The following OLFM3 variants were observed in gnomAD, a reference collection of about 807,000 sequenced individuals.
OLFM3 encodes the protein olfactomedin 3.
OLFM3 carries 20 observed loss-of-function variants against 48.6 expected under a neutral mutation model. The observed-to-expected ratio is 0.41, with a 90% confidence interval of 0.29 to 0.60. The LOEUF (loss-of-function observed/expected upper bound fraction) is 0.60. OLFM3 is among the 20% of genes least tolerant of loss of function. OLFM3 has a pLI of 0.28. For synonymous variants in OLFM3, 222 were observed against 198.1 expected, an observed-to-expected ratio of 1.12 and a Z score of -1.01; for missense variants, 437 against 544.3, an observed-to-expected ratio of 0.80 and a Z score of 1.96.
Position 101,897,539 on chromosome 1 carries a change from A to G in OLFM3, c.70-60514T>C, listed in dbSNP as rs551670405. Among the ~76,000 whole-genome samples the G allele has an allele frequency of 2.6e-5, 4 of 152,284 alleles. No individual in the cohort carries two copies. The East Asian group carries it at 5.8e-4, about 22-fold the overall frequency. On this transcript the variant is annotated intron_variant, in intron 1 of 5. Coordinates refer to ENST00000370103, the MANE Select transcript of OLFM3 (RefSeq NM_058170.4). ...AGTATAGCCCTCAAGTGAACATAAGAGTGAAAAACAGTGTAAATTAATGGT... is the reference window on the plus strand; with the variant it reads ...AGTATAGCCCTCAAGTGAACATAAGGGTGAAAAACAGTGTAAATTAATGGT...
At chr1:101,905,796 G>C (rs1006748932) in intron 1 of OLFM3, among the ~76,000 whole-genome samples, 1 of 152,032 alleles carries the variant, frequency 6.6e-6, no homozygotes, top group Non-Finnish European at 1.5e-5. Flanking sequence ...CACACCGATT[G>C]GCCCAAATTT....
In OLFM3 at chr1:101,821,346, TATATA is replaced by T. The variant is rs571485374; in HGVS notation, c.592+3675_592+3679del. Among the ~76,000 whole-genome samples the T allele has an allele frequency of 5.5e-3, 840 of 152,154 alleles. 5 individuals carry two copies. Among genetic ancestry groups the T allele is most frequent in the Middle Eastern group, 0.017 (5 of 294 alleles). On this transcript the variant is annotated intron_variant, in intron 4 of 5. Transcript: ENST00000370103. ...TATACATACATATATTTATGCACTATATATAATATAACAACATATATAATATATAC... is the reference window on the plus strand; with the variant it reads ...TATACATACATATATTTATGCACTATATATAACAACATATATAATATATAC...
intron 1 of OLFM3, among the ~76,000 whole-genome samples, chr1:101,847,646 C>T (rs1431478926): frequency 1.3e-5 from 2 of 152,084 alleles, no homozygotes; most frequent in East Asian, 3.9e-4. Context: ...CCTGAACAGA[C>T]AGAAAAGAGA....
chr1:101,938,121 A>C (rs2182762), intron 1 of OLFM3, among the ~76,000 whole-genome samples: 61,860 of 151,846 alleles, frequency 0.41, 12,893 homozygotes, highest in East Asian at 0.51. Context: ...CTTATTAACA[A>C]ATTACTTCAA....
At chr1:101,832,015 G>C (rs1184473790) in intron 2 of OLFM3, among the ~76,000 whole-genome samples, 1 of 151,888 alleles carries the variant, frequency 6.6e-6, no homozygotes, top group African/African-American at 2.4e-5. Context: ...AAATTCTCCT[G>C]TCTCAGTCTC....
At chr1:101,987,379 G>C (rs1194954637) in intron 1 of OLFM3, among the ~76,000 whole-genome samples, 4 of 152,144 alleles carry the variant, frequency 2.6e-5, no homozygotes, top group African/African-American at 9.7e-5. Flanking sequence ...CTTATAAAGA[G>C]TAGAATATAT....
intron 1 of OLFM3, among the ~76,000 whole-genome samples, chr1:101,904,396 G>A (rs1182951257): frequency 1.3e-5 from 2 of 152,072 alleles, no homozygotes; most frequent in Non-Finnish European, 1.5e-5. Context: ...TGGAGGAAGA[G>A]AGAGAAGTTC....
intron 1 of OLFM3, among the ~76,000 whole-genome samples, chr1:101,982,442 A>T (rs17488934): frequency 0.17 from 25,875 of 152,178 alleles, 2,477 homozygotes; most frequent in Non-Finnish European, 0.2. Context: ...AGAGACACTT[A>T]GATTTTTTTA....
chr1:101,912,659 G>T (rs1176625918), intron 1 of OLFM3, among the ~76,000 whole-genome samples: 1 of 152,150 alleles, frequency 6.6e-6, no homozygotes, highest in Non-Finnish European at 1.5e-5. Context: ...TACGATTGAG[G>T]TACTTCAAAT....
chr1:101,918,493 CA>C (rs1255546306), intron 1 of OLFM3, among the ~76,000 whole-genome samples: 1 of 151,624 alleles, frequency 6.6e-6, no homozygotes, highest in Non-Finnish European at 1.5e-5. Flanking sequence ...CTTCCATCTT[CA>C]AAACCAGCAA....
chr1:101,861,718 T>A (rs1240734904), intron 1 of OLFM3, among the ~76,000 whole-genome samples: 1 of 152,192 alleles, frequency 6.6e-6, no homozygotes, highest in Admixed American at 6.5e-5. Context: ...GGCTTTGTAG[T>A]CATGTAGACC....
At chr1:101,900,400 T>C (rs534241713) in intron 1 of OLFM3, among the ~76,000 whole-genome samples, 3 of 152,140 alleles carry the variant, frequency 2.0e-5, no homozygotes, top group African/African-American at 7.2e-5. Context: ...TGAGCTAAAA[T>C]GAGATGGAAT....
chr1:101,977,536 C>T (rs1660988437), intron 1 of OLFM3, among the ~76,000 whole-genome samples: 1 of 152,176 alleles, frequency 6.6e-6, no homozygotes, highest in South Asian at 2.1e-4. Flanking sequence ...GGGAGGGACA[C>T]TAAGGATCAC....
At chr1:101,931,811 G>A (rs551090444) in intron 1 of OLFM3, among the ~76,000 whole-genome samples, 1 of 152,180 alleles carries the variant, frequency 6.6e-6, no homozygotes, top group Admixed American at 6.5e-5. Context: ...CATCTTACAG[G>A]CACAAGAATC....
chr1:101,875,468 ATGTC>A (rs1341318820), intron 1 of OLFM3, among the ~76,000 whole-genome samples: 1 of 151,982 alleles, frequency 6.6e-6, no homozygotes, highest in Admixed American at 6.6e-5. Context: ...AACTATGTGC[ATGTC>A]TGTGGAATAG....
intron 1 of OLFM3, among the ~76,000 whole-genome samples, chr1:101,870,315 T>G (rs1353122840): frequency 6.6e-6 from 1 of 152,196 alleles, no homozygotes; most frequent in Non-Finnish European, 1.5e-5. Flanking sequence ...AACATCATGC[T>G]CACCTTTCTC....
At chr1:101,883,210 T>C (rs1181131058) in intron 1 of OLFM3, among the ~76,000 whole-genome samples, 4 of 151,604 alleles carry the variant, frequency 2.6e-5, no homozygotes, top group African/African-American at 9.7e-5. Flanking sequence ...AAAAAATCAA[T>C]GTTTTTAGCT....
chr1:101,890,873 CA>C (rs1657967667), intron 1 of OLFM3, among the ~76,000 whole-genome samples: 1 of 151,822 alleles, frequency 6.6e-6, no homozygotes, highest in Non-Finnish European at 1.5e-5. Flanking sequence ...AATAGTTCAG[CA>C]AATTGAAGAC....
intron 1 of OLFM3, among the ~76,000 whole-genome samples, chr1:101,848,402 A>G (rs1656093793): frequency 6.6e-6 from 1 of 152,184 alleles, no homozygotes; most frequent in African/African-American, 2.4e-5. Context: ...AGAGATACAT[A>G]TTTATAGTGT....
Sources: allele counts gnomAD v4.1 joint callset (sites outside exome capture counted in the v4.1 genomes callset), GRCh38; gene constraint gnomAD v4.1.1; transcripts MANE v1.5; gene names NCBI Gene and HGNC (gene_info 2026-07-23, HGNC 2026-07-21).